The following TRPM5 variants were observed in gnomAD, a reference collection of about 807,000 sequenced individuals.
TRPM5 encodes MLSN1 and TRP-related.
Under a neutral mutation model 124.9 loss-of-function variants are expected in TRPM5, and 121 were observed. The ratio of observed to expected loss-of-function variants is 0.97; its 90% CI spans 0.84 to 1.13. TRPM5 has a LOEUF of 1.13. TRPM5 is among the 50% of genes most tolerant of loss of function. The pLI is 0.00. For missense variants in TRPM5, 1,643 were observed against 1,589.1 expected (o/e 1.03, Z -0.58); for synonymous variants, 781 against 700.5 (o/e 1.11, Z -1.81).
exon 3 of TRPM5, chr11:2,421,140 G>A (rs756532560): frequency 6.5e-6 from 10 of 1,542,460 alleles, no homozygotes; most frequent in South Asian, 1.2e-5. Context: ...GGTCGCGCAC[G>A]GCCTGCCCGA....
At chr11:2,422,221 C>T (rs1845782829) in exon 2 of TRPM5, 4 of 1,612,542 alleles carry the variant, frequency 2.5e-6, no homozygotes, top group Non-Finnish European at 3.4e-6. Context: ...CTGCTCCTCA[C>T]CCACCAGGGA....
chr11:2,436,412 C>T, the TRPM5 span, among the ~76,000 whole-genome samples: 4 of 152,236 alleles, frequency 2.6e-5, no homozygotes, highest in Non-Finnish European at 4.4e-5. Flanking sequence ...AGGCTGCCCA[C>T]CCCCATTTGC....
chr11:2,405,359 G>A (rs559458721), intron 23 of TRPM5, among the ~76,000 whole-genome samples, 168 bp downstream of exon 28: 1 of 152,350 alleles, frequency 6.6e-6, no homozygotes, highest in South Asian at 2.1e-4. Flanking sequence ...CAGGGACTCC[G>A]TCAGAGGGCA....
chr11:2,414,750 G>A, exon 11 of TRPM5: 3 of 1,547,194 alleles, frequency 1.9e-6, no homozygotes, highest in Non-Finnish European at 1.7e-6. Flanking sequence ...CTCGCGCGTG[G>A]CTCGGGCCGC....
chr11:2,410,485 C>G (rs556864742), intron 18 of TRPM5, among the ~76,000 whole-genome samples: 1 of 152,222 alleles, frequency 6.6e-6, no homozygotes, highest in African/African-American at 2.4e-5. Context: ...CCTCGAGGGC[C>G]CCAGGGGCGG....
the TRPM5 span, among the ~76,000 whole-genome samples, chr11:2,433,979 G>C: frequency 6.6e-6 from 1 of 152,056 alleles, no homozygotes. Context: ...GACTGTATGT[G>C]TCTGTGTGGA....
At chr11:2,429,360 TG>T in the TRPM5 span, among the ~76,000 whole-genome samples, 1 of 151,170 alleles carries the variant, frequency 6.6e-6, no homozygotes, top group Non-Finnish European at 1.5e-5. This position sits in a 1 kb window ranked among gnomAD's most constrained non-coding sequence, Gnocchi z 8.4. Flanking sequence ...AGTATGATGA[TG>T]GTGGTGGTGA....
At position 2,407,332 on chromosome 11, in the gene TRPM5, G is replaced by A. The variant is rs149842796; in HGVS notation, c.2937-32C>T. The A allele has an allele frequency of 5.4e-4, 861 of 1,585,502 alleles. 2 individuals carry two copies. The African/African-American group carries it at 0.011, about 20-fold the overall frequency. On this transcript the variant is annotated intron_variant, in intron 19 of 23. Coordinates refer to ENST00000155858, the Ensembl canonical transcript of TRPM5. ...GGGCACAGCTGAGCCGTCACCTACC[G>A]GCTCCCCACGACCACTTGGGGGACG...
intron 15 of TRPM5, 27 bp downstream of exon 20, chr11:2,412,727 G>A (rs1389676310): frequency 6.4e-7 from 1 of 1,553,698 alleles, no homozygotes; most frequent in East Asian, 2.3e-5. Flanking sequence ...CAGAGTGGAG[G>A]GGACCTAGGC....
intron 7 of TRPM5, among the ~76,000 whole-genome samples, chr11:2,416,912 G>A (rs1392845184): frequency 6.6e-6 from 1 of 152,196 alleles, no homozygotes; most frequent in Non-Finnish European, 1.5e-5. Context: ...CCTTACAAAA[G>A]GAATGAAGCA....
At chr11:2,416,993 G>T (rs1325688060) in intron 7 of TRPM5, among the ~76,000 whole-genome samples, 1 of 152,166 alleles carries the variant, frequency 6.6e-6, no homozygotes, top group African/African-American at 2.4e-5. Flanking sequence ...CCATGGACAC[G>T]AAATGCCCGT....
chr11:2,429,454 ATGG>A, the TRPM5 span, among the ~76,000 whole-genome samples: 2 of 149,726 alleles, frequency 1.3e-5, no homozygotes, highest in African/African-American at 2.5e-5. The surrounding 1 kb of genome is among the most constrained non-coding windows in gnomAD (Gnocchi z 8.4). Context: ...GATGTTGGTG[ATGG>A]TGGTGATGGA....
chr11:2,422,389 G>A (rs1191799005), intron 1 of TRPM5, 68 bp from the exon 7 acceptor site: 3 of 1,406,442 alleles, frequency 2.1e-6, no homozygotes, highest in Admixed American at 1.9e-5. Flanking sequence ...GCATTGGGGG[G>A]GGCTGGACAC....
At chr11:2,425,617 GCCCTGGGCGGGAGTCCTCA>G (rs1304500679), upstream of TRPM5, among the ~76,000 whole-genome samples, 5 of 55,052 alleles carry the variant, frequency 9.1e-5, no homozygotes, top group Admixed American at 1.2e-3. Context: ...TGTGCTTGTA[GCCCTGGGCGGGAGTCCTCA>G]CCCTGGGCGG....
chr11:2,411,287 C>T, intron 18 of TRPM5, 65 bp downstream of exon 23: 1 of 1,469,702 alleles, frequency 6.8e-7, no homozygotes, highest in Admixed American at 2.4e-5. Flanking sequence ...AGCCTCATGC[C>T]CAGGGCTTGT....
the TRPM5 span, among the ~76,000 whole-genome samples, chr11:2,433,288 G>T: frequency 2.6e-5 from 4 of 152,240 alleles, no homozygotes; most frequent in East Asian, 5.8e-4. Context: ...CACAGCTGCA[G>T]GAAGACGTCC....
At chr11:2,425,617 G>GCCCTGGGCGGGAGTCCTCA (rs1304500679), upstream of TRPM5, among the ~76,000 whole-genome samples, 26 of 55,086 alleles carry the variant, frequency 4.7e-4, no homozygotes, top group African/African-American at 1.3e-3. Flanking sequence ...TGTGCTTGTA[G>GCCCTGGGCGGGAGTCCTCA]CCCTGGGCGG....
chr11:2,407,448 G>A (rs578165974), intron 19 of TRPM5, 148 bp from the exon 25 acceptor site: 1 of 799,026 alleles, frequency 1.3e-6, no homozygotes, highest in South Asian at 1.8e-5. Context: ...TGTGTCACGA[G>A]GGGTCCACTC....
At chr11:2,422,960 C>A (rs1369049578) in exon 1 of TRPM5, 1 of 1,613,214 alleles carries the variant, frequency 6.2e-7, no homozygotes, top group East Asian at 2.2e-5. Flanking sequence ...GTTGACCTCG[C>A]CCCTGTGCAA....
Sources: allele counts gnomAD v4.1 joint callset (sites outside exome capture counted in the v4.1 genomes callset), GRCh38; gene constraint gnomAD v4.1.1; non-coding constraint Gnocchi (gnomAD v3.1); transcripts MANE v1.5; gene names NCBI Gene and HGNC (gene_info 2026-07-23, HGNC 2026-07-21).